The following SPTBN1 variants were observed in gnomAD, a reference collection of about 807,000 sequenced individuals.
SPTBN1 encodes the protein spectrin beta chain, non-erythrocytic 1.
SPTBN1 carries 32 observed loss-of-function variants against 266.4 expected under a neutral mutation model. The ratio of observed to expected loss-of-function variants is 0.12; its 90% confidence interval spans 0.09 to 0.16. The LOEUF (loss-of-function observed/expected upper bound fraction) is 0.16, where lower values mean the gene tolerates loss of function less well. SPTBN1 is among the 10% of genes least tolerant of loss of function. The pLI is 1.00. For missense variants in SPTBN1, 2,296 were observed against 3,067.1 expected, an observed-to-expected ratio of 0.75 and a Z score of 5.94; for synonymous variants, 1,336 against 1,162.2, an observed-to-expected ratio of 1.15 and a Z score of -3.04.
At position 54,496,404 on chromosome 2, in the gene SPTBN1, C is replaced by G. The variant is rs1668970524; in HGVS notation, c.-47-29968C>G. Among the ~76,000 whole-genome samples the G allele has an allele frequency of 2.7e-5, 4 of 146,956 alleles. No homozygotes were observed. The Admixed American group carries it at 2.7e-4, about 10-fold the overall frequency. On this transcript the variant is annotated intron_variant, in intron 1 of 35. Coordinates refer to ENST00000356805, the MANE Select transcript of SPTBN1 (RefSeq NM_003128.3). ...AGTGAGCCGAGATTGCGCCACTGCA[C>G]TCCAGCCTGGGCGACAGAGTGATAC...
Position 54,648,989 on chromosome 2 carries a change from G to A in SPTBN1, c.5001G>A (p.Glu1667=), listed in dbSNP as rs1292705103. The change falls in exon 25 of 36, where the codon GAG becomes GAA. Residue 1667 remains glutamate, a synonymous_variant. Transcript: ENST00000356805. Reference sequence around the variant, plus strand: ...CATTGCTCCTTTTCTTTTTCAGTGAGCGCATTAGCATGCGGCAGTCCAAAG... The same window carrying A: ...CATTGCTCCTTTTCTTTTTCAGTGAACGCATTAGCATGCGGCAGTCCAAAG... ...ALVADSHPES[E]RISMRQSKVD... The A allele has an allele frequency of 2.4e-5, 38 of 1,603,140 alleles. No individual in the cohort carries two copies. The highest frequency in any genetic ancestry group is 3.2e-5 in the Non-Finnish European group (37 of 1,172,692).
chr2:54,578,956 G>A (rs1490863006), intron 2 of SPTBN1, among the ~76,000 whole-genome samples: 1 of 152,134 alleles, frequency 6.6e-6, no homozygotes, highest in Non-Finnish European at 1.5e-5. Context: ...CTGCTAGACT[G>A]AAAGGTGCCA....
At chr2:54,571,576 TACACAC>T (rs67239523) in intron 2 of SPTBN1, among the ~76,000 whole-genome samples, 19 of 100,736 alleles carry the variant, frequency 1.9e-4, no homozygotes, top group East Asian at 1.2e-3. Context: ...CACACACACA[TACACAC>T]ACACACACAC....
At chr2:54,525,359 C>A (rs1010699160) in intron 1 of SPTBN1, among the ~76,000 whole-genome samples, 1 of 152,122 alleles carries the variant, frequency 6.6e-6, no homozygotes, top group Non-Finnish European at 1.5e-5. Context: ...AATTTTCCAG[C>A]CTTGGCCTCC....
intron 23 of SPTBN1, 90 bp from the exon 24 acceptor site, chr2:54,647,041 T>C: frequency 6.3e-7 from 1 of 1,593,038 alleles, no homozygotes; most frequent in Non-Finnish European, 8.6e-7. Flanking sequence ...TGATCCTTCC[T>C]CCTACCCTGC....
intron 34 of SPTBN1, among the ~76,000 whole-genome samples, chr2:54,667,366 A>G (rs1196041374): frequency 1.3e-5 from 2 of 152,092 alleles, no homozygotes; most frequent in Non-Finnish European, 2.9e-5. Flanking sequence ...AAATCCTTCC[A>G]TTGGATTGAA....
chr2:54,557,957 T>A, intron 2 of SPTBN1: 1 of 940,514 alleles, frequency 1.1e-6, no homozygotes, highest in Non-Finnish European at 1.3e-6. Context: ...CGCGCCCAGG[T>A]GCGGGCCGCG....
Position 54,599,201 on chromosome 2 carries a change from G to C in SPTBN1, c.258G>C (p.Arg86=). The C allele has an allele frequency of 6.2e-7, 1 of 1,614,184 alleles. No individual in the cohort carries two copies. The highest frequency in any genetic ancestry group is 8.5e-7 in the Non-Finnish European group (1 of 1,180,032). The change falls in exon 3 of 36, where the codon CGG becomes CGC. Residue 86 remains arginine, a synonymous_variant. Coordinates refer to ENST00000356805, the MANE Select transcript of SPTBN1 (RefSeq NM_003128.3). The part of the protein sequence containing the change: ...TDLYTDLRDG[R]MLIKLLEVLS... Reference sequence around the variant, plus strand: ...TGTACACTGACCTTCGAGATGGACGGATGCTCATCAAGCTGCTGGAGGTCC... The same window carrying C: ...TGTACACTGACCTTCGAGATGGACGCATGCTCATCAAGCTGCTGGAGGTCC...
chr2:54,640,389 C>T (rs1350031805), intron 18 of SPTBN1, among the ~76,000 whole-genome samples: 1 of 151,944 alleles, frequency 6.6e-6, no homozygotes, highest in African/African-American at 2.4e-5. Flanking sequence ...ATTGTAAGAT[C>T]CGCCCCTGTT....
chr2:54,495,658 A>T (rs945164246), intron 1 of SPTBN1, among the ~76,000 whole-genome samples: 2 of 114,046 alleles, frequency 1.8e-5, no homozygotes, highest in African/African-American at 5.1e-5. Context: ...ACAAAATTAG[A>T]ATCATAATTT....
rs1204711573 is a variant in SPTBN1, at chr2:54,664,618, C to A, written c.6586C>A (p.Pro2196Thr). ...ATLPARTQET[P>T]SAQMEGFLNR... The stretch of plus-strand genomic sequence containing the variant: ...CTTACCAGCCAGAACCCAGGAGACA[C>A]CTTCGGCCCAGATGGAAGGCTTCCT... The change falls in exon 33 of 36, where the codon CCT becomes ACT. Residue 2196 changes from proline (P) to threonine (T), a missense_variant. Transcript: ENST00000356805. This position sits in a 1 kb window ranked among gnomAD's most constrained non-coding sequence, Gnocchi z 5.6. 2 of 1,614,062 alleles carry A rather than the reference C, an allele frequency of 1.2e-6. No homozygotes were observed. Among genetic ancestry groups the A allele is most frequent in the Non-Finnish European group, 1.7e-6 (2 of 1,180,048 alleles).
Position 54,548,085 on chromosome 2 carries a change from G to A in SPTBN1, c.148+21519G>A, listed in dbSNP as rs188050874. On this transcript the variant is annotated intron_variant, in intron 2 of 35. Coordinates refer to ENST00000356805, the MANE Select transcript of SPTBN1 (RefSeq NM_003128.3). ...ATGAACCCAGGAGGTGGAGCTTGCA[G>A]TGAGCCAAGATCATGCCACTGCACT... Among the ~76,000 whole-genome samples, 55 of 152,304 alleles carry A rather than the reference G, an allele frequency of 3.6e-4. No homozygotes were observed. In the East Asian group the frequency reaches 7.7e-3, roughly 21 times the overall value.
Position 54,660,938 on chromosome 2 carries a change from G to A in SPTBN1, c.6420+939G>A, listed in dbSNP as rs17046097. On this transcript the variant is annotated intron_variant, in intron 32 of 35. Coordinates refer to ENST00000356805, the MANE Select transcript of SPTBN1 (RefSeq NM_003128.3). ...CCTCTCCATTCAGCCGATGACTTCA[G>A]GGTGTCAAACTGTTTTAATTTTTCA... 258,716 of 985,140 alleles carry A rather than the reference G, an allele frequency of 0.26. 36,837 individuals are homozygous for A. The highest frequency in any genetic ancestry group is 0.54 in the African/African-American group (31,092 of 57,198). 61.0% of individuals were successfully genotyped at this position (985,140 alleles called of 1,614,324 possible). A position where few individuals can be genotyped will look rare whatever the true frequency, so the allele number is the denominator to read the frequency against.
intron 3 of SPTBN1, among the ~76,000 whole-genome samples, chr2:54,610,070 T>TA (rs1677108946): frequency 6.6e-6 from 1 of 152,246 alleles, no homozygotes; most frequent in Non-Finnish European, 1.5e-5. Context: ...TGAGGCAAGA[T>TA]ACACTTTTCC....
At chr2:54,584,023 T>A (rs965491673) in intron 2 of SPTBN1, among the ~76,000 whole-genome samples, 8 of 152,214 alleles carry the variant, frequency 5.3e-5, no homozygotes, top group Admixed American at 1.3e-4. Flanking sequence ...CCTGTCTGCT[T>A]CTACTCCCTT....
At chr2:54,581,779 C>T (rs1485315967) in intron 2 of SPTBN1, among the ~76,000 whole-genome samples, 2 of 151,996 alleles carry the variant, frequency 1.3e-5, no homozygotes, top group Non-Finnish European at 2.9e-5. Context: ...TTCATTAATC[C>T]TAAGCATCTG....
At position 54,657,840 on chromosome 2, in the gene SPTBN1, C is replaced by T. The variant is rs1165534879; in HGVS notation, c.6047-10C>T. On this transcript the variant is annotated splice_polypyrimidine_tract_variant and intron_variant, in intron 29 of 35. Transcript: ENST00000356805. ...GGTCAACGTGTACTAACTCATGGTA[C>T]CCTGTGCAGTTCTGGAGGTCCATCA... is the stretch of plus-strand genomic sequence containing the variant. 1 of 1,614,108 alleles carries T rather than the reference C, an allele frequency of 6.2e-7. No individual in the cohort carries two copies. The highest frequency in any genetic ancestry group is 1.7e-5 in the Admixed American group (1 of 60,028).
At chr2:54,521,468 A>C (rs13033965) in intron 1 of SPTBN1, among the ~76,000 whole-genome samples, 1 of 152,250 alleles carries the variant, frequency 6.6e-6, no homozygotes, top group Admixed American at 6.5e-5. Flanking sequence ...TGTCTCTACC[A>C]TCAAATTCTG....
intron 4 of SPTBN1, among the ~76,000 whole-genome samples, chr2:54,615,499 C>A (rs747638944): frequency 1.3e-5 from 2 of 152,216 alleles, no homozygotes; most frequent in Non-Finnish European, 2.9e-5. Flanking sequence ...CTAACATTCA[C>A]AGACCCTTAT....
Sources: allele counts gnomAD v4.1 joint callset (sites outside exome capture counted in the v4.1 genomes callset), GRCh38; gene constraint gnomAD v4.1.1; non-coding constraint Gnocchi (gnomAD v3.1); transcripts MANE v1.5; gene names NCBI Gene and HGNC (gene_info 2026-07-23, HGNC 2026-07-21).